MMP24: variants seen among roughly 807,000 people sequenced by gnomAD.
MMP24 encodes the protein matrix metallopeptidase 24.
MMP24 carries 25 observed loss-of-function variants against 62.8 expected under a neutral mutation model. That is an observed-to-expected ratio of 0.40 (90% CI 0.29 to 0.56). The LOEUF is 0.56. MMP24 is among the 20% of genes least tolerant of loss of function. MMP24 has a pLI of 0.50. For synonymous variants in MMP24, 319 were observed against 350.5 expected, an observed-to-expected ratio of 0.91 and a Z score of 1.00; for missense variants, 634 against 853.6, an observed-to-expected ratio of 0.74 and a Z score of 3.21.
Position 35,276,097 on chromosome 20 carries a change from C to A in MMP24, c.*1488C>A, listed in dbSNP as rs905002699. On this transcript the variant is annotated 3_prime_UTR_variant, in exon 9 of 9. Transcript: ENST00000246186. Reference sequence around the variant, plus strand: ...GGGTCTCGGATGCCACCCCTGCTCACTGAGCCTGCATGGGCCTTGCCCCCG... The same window carrying A: ...GGGTCTCGGATGCCACCCCTGCTCAATGAGCCTGCATGGGCCTTGCCCCCG... 5.0e-6 allele frequency: 2 copies of A among 398,648 alleles called. No individual in the cohort carries two copies. The highest frequency in any genetic ancestry group is 3.6e-5 in the East Asian group (1 of 28,082). The allele number at this position is 398,648 out of a possible 1,614,324, so 24.7% of individuals were successfully genotyped here. A position where few individuals can be genotyped will look rare whatever the true frequency, so the allele number is the denominator to read the frequency against.
chr20:35,264,786 T>C (rs1206181975), intron 5 of MMP24, among the ~76,000 whole-genome samples: 1 of 144,970 alleles, frequency 6.9e-6, no homozygotes, highest in Non-Finnish European at 1.5e-5. Context: ...AGGTAAGATA[T>C]GAAAGGCCTC....
chr20:35,236,246 G>A (rs1467591521), intron 1 of MMP24: 1 of 152,172 alleles, frequency 6.6e-6, no homozygotes, highest in East Asian at 1.9e-4. Flanking sequence ...TAGTGCAGAG[G>A]GTGTAGCATG....
Position 35,237,347 on chromosome 20 carries a change from G to A in MMP24, c.247-9493G>A, listed in dbSNP as rs1455150978. On this transcript the variant is annotated intron_variant, in intron 1 of 8. Coordinates refer to ENST00000246186, the MANE Select transcript of MMP24 (RefSeq NM_006690.4). Reference sequence around the variant, plus strand: ...AGAGAATGCCCGCATCCCTTGGCTTGTGGCCCCTTCTAGCAGCAGCAGCAC... The same window carrying A: ...AGAGAATGCCCGCATCCCTTGGCTTATGGCCCCTTCTAGCAGCAGCAGCAC... Among the ~76,000 whole-genome samples the A allele has an allele frequency of 2.0e-5, 3 of 152,118 alleles. No individual in the cohort carries two copies. The East Asian group carries it at 5.8e-4, about 29-fold the overall frequency.
At chr20:35,239,686 G>T (rs1365324755) in intron 1 of MMP24, among the ~76,000 whole-genome samples, 1 of 152,180 alleles carries the variant, frequency 6.6e-6, no homozygotes, top group Non-Finnish European at 1.5e-5. Flanking sequence ...AATTAGCCAG[G>T]CGTGGTGGCA....
chr20:35,268,559 A>G (rs2060648117), intron 6 of MMP24, among the ~76,000 whole-genome samples: 1 of 152,276 alleles, frequency 6.6e-6, no homozygotes, highest in Non-Finnish European at 1.5e-5. Context: ...GAAAGTCAAA[A>G]TAAGGTCAAA....
chr20:35,264,104 C>A, intron 5 of MMP24, 152 bp downstream of exon 5: 1 of 878,906 alleles, frequency 1.1e-6, no homozygotes, highest in Non-Finnish European at 1.6e-6. Context: ...CTTCCAATGG[C>A]TTTGCCTGGC....
At chr20:35,231,004 A>C (rs1255270262) in intron 1 of MMP24, among the ~76,000 whole-genome samples, 1 of 151,908 alleles carries the variant, frequency 6.6e-6, no homozygotes, top group Non-Finnish European at 1.5e-5. Context: ...TGCTTTCTTT[A>C]GTCTTTCTTT....
intron 1 of MMP24, 84 bp from the exon 2 acceptor site, chr20:35,246,756 C>G (rs2060516711): frequency 6.7e-7 from 1 of 1,496,584 alleles, no homozygotes; most frequent in Admixed American, 1.7e-5. Context: ...TCAAATGATC[C>G]CTCGTGTTCA....
chr20:35,258,564 G>A (rs1600794348), intron 4 of MMP24, among the ~76,000 whole-genome samples: 1 of 152,232 alleles, frequency 6.6e-6, no homozygotes, highest in East Asian at 1.9e-4. Flanking sequence ...CTTTTAATAC[G>A]TCTCTCTTGC....
chr20:35,269,511 C>CT lies in MMP24; in HGVS notation c.1195-245dup, dbSNP rs2146240427. On this transcript the variant is annotated intron_variant, in intron 6 of 8. Coordinates refer to ENST00000246186, the MANE Select transcript of MMP24 (RefSeq NM_006690.4). The surrounding 1 kb of genome is among the most constrained non-coding windows in gnomAD (Gnocchi z 4.6). ...ATCCTTTCCGGCTCCCTCACACCTCCTTTTCCACACCAGGCCTGTCTGCTG... is the reference window on the plus strand; with the variant it reads ...ATCCTTTCCGGCTCCCTCACACCTCCTTTTTCCACACCAGGCCTGTCTGCTG... Among the ~76,000 whole-genome samples the CT allele has an allele frequency of 6.6e-6, 1 of 152,346 alleles. No individual in the cohort carries two copies. Among genetic ancestry groups the CT allele is most frequent in the East Asian group, 1.9e-4 (1 of 5,182 alleles).
At chr20:35,246,230 G>A (rs931904444) in intron 1 of MMP24, among the ~76,000 whole-genome samples, 3 of 151,418 alleles carry the variant, frequency 2.0e-5, no homozygotes, top group Non-Finnish European at 4.4e-5. Context: ...TGAGGCGGGC[G>A]GATCATGAGG....
At chr20:35,258,460 C>T (rs189670776) in intron 4 of MMP24, among the ~76,000 whole-genome samples, 7 of 152,194 alleles carry the variant, frequency 4.6e-5, no homozygotes, top group Admixed American at 3.9e-4. Flanking sequence ...AAAACACCCC[C>T]GTCCTACACA....
chr20:35,233,999 A>G (rs1270453613), intron 1 of MMP24, among the ~76,000 whole-genome samples: 1 of 152,070 alleles, frequency 6.6e-6, no homozygotes, highest in Non-Finnish European at 1.5e-5. Flanking sequence ...AAAAACAAAA[A>G]CATGCTTAAT....
At chr20:35,233,746 G>A (rs912544731) in intron 1 of MMP24, among the ~76,000 whole-genome samples, 62 of 152,188 alleles carry the variant, frequency 4.1e-4, no homozygotes, top group African/African-American at 1.5e-3. Flanking sequence ...TCCCTTGGAC[G>A]CAGCACCCAC....
chr20:35,243,591 TGTTAAA>T (rs147350964), intron 1 of MMP24, among the ~76,000 whole-genome samples: 7,057 of 152,050 alleles, frequency 0.046, 541 homozygotes, highest in African/African-American at 0.16. Context: ...CCCTCGAGGA[TGTTAAA>T]GTCCCAGCAC....
At chr20:35,247,041 G>T in intron 2 of MMP24, 53 bp downstream of exon 2, 1 of 1,602,656 alleles carries the variant, frequency 6.2e-7, no homozygotes. Flanking sequence ...TTACATTTGG[G>T]TTCACATTTG....
chr20:35,239,556 C>T (rs2060478598), intron 1 of MMP24, among the ~76,000 whole-genome samples: 1 of 152,162 alleles, frequency 6.6e-6, no homozygotes, highest in Non-Finnish European at 1.5e-5. Flanking sequence ...TGCTGTGGCT[C>T]ACGCCTGTAA....
chr20:35,233,042 C>G (rs2060445230), intron 1 of MMP24, among the ~76,000 whole-genome samples: 1 of 152,168 alleles, frequency 6.6e-6, no homozygotes, highest in Non-Finnish European at 1.5e-5. Flanking sequence ...TGAGCCCTGG[C>G]CTTGCCTGTT....
chr20:35,253,021 C>G (rs1296520587), intron 3 of MMP24, among the ~76,000 whole-genome samples: 2 of 20,224 alleles, frequency 9.9e-5, no homozygotes, highest in Admixed American at 6.9e-4. Context: ...TCAGGTGGGG[C>G]TGGGGCAAGG....
Sources: allele counts gnomAD v4.1 joint callset (sites outside exome capture counted in the v4.1 genomes callset), GRCh38; gene constraint gnomAD v4.1.1; non-coding constraint Gnocchi (gnomAD v3.1); transcripts MANE v1.5; gene names NCBI Gene and HGNC (gene_info 2026-07-23, HGNC 2026-07-21).